GPC6: variants seen among roughly 807,000 people sequenced by gnomAD.
GPC6 encodes glypican 6, also known as glypican-6.
In GPC6, 14 loss-of-function variants were observed where a neutral mutation model predicts 55.2. That is an observed-to-expected ratio of 0.25 (90% CI 0.17 to 0.40). The LOEUF is 0.40. Ranked by LOEUF, GPC6 falls within the 10% of genes least tolerant of loss-of-function variation. The probability of loss-of-function intolerance (pLI) is 1.00; values close to 1 mark genes in which losing one functional copy is unlikely to be tolerated. For synonymous variants in GPC6, 278 were observed against 259.6 expected (o/e 1.07, Z -0.68); for missense variants, 641 against 708.5 (o/e 0.90, Z 1.08).
intron 1 of GPC6, among the ~76,000 whole-genome samples, chr13:93,542,504 C>T (rs923328157): frequency 7.2e-5 from 11 of 152,082 alleles, no homozygotes; most frequent in Admixed American, 1.3e-4. Context: ...CTTGGTGATG[C>T]GGGCTCCTTT....
chr13:93,720,954 C>T (rs537757669), intron 2 of GPC6, among the ~76,000 whole-genome samples: 2 of 151,934 alleles, frequency 1.3e-5, no homozygotes, highest in Non-Finnish European at 2.9e-5. Flanking sequence ...CATTCTTCTG[C>T]ATTTGCTGAG....
At chr13:94,104,658 C>A (rs1885987271) in intron 4 of GPC6, among the ~76,000 whole-genome samples, 1 of 152,156 alleles carries the variant, frequency 6.6e-6, no homozygotes, top group Non-Finnish European at 1.5e-5. Flanking sequence ...CACAAGCATT[C>A]TTATACACCA....
At chr13:93,447,733 G>A (rs1469784339) in intron 1 of GPC6, among the ~76,000 whole-genome samples, 3 of 152,062 alleles carry the variant, frequency 2.0e-5, no homozygotes, top group African/African-American at 7.2e-5. Flanking sequence ...TTGATAACCT[G>A]GATCTTGGTT....
rs549612480 is a variant in GPC6 at position 94,164,852 on chromosome 13, A to C, written c.878-121497A>C. On this transcript the variant is annotated intron_variant, in intron 4 of 8. Coordinates refer to ENST00000377047, the MANE Select transcript of GPC6 (RefSeq NM_005708.5). ...GATTTCTGGAAATATAGTGAAACAT[A>C]GAATTTAGTAGCATTTAATAATTCT... Among the ~76,000 whole-genome samples, 158 of 152,316 alleles carry C rather than the reference A, an allele frequency of 1.0e-3. 1 individual carries two copies. The highest frequency in any genetic ancestry group is 3.6e-3 in the African/African-American group (151 of 41,574).
intron 1 of GPC6, among the ~76,000 whole-genome samples, chr13:93,336,967 G>T (rs1880068488): frequency 6.6e-6 from 1 of 152,164 alleles, no homozygotes; most frequent in Non-Finnish European, 1.5e-5. Flanking sequence ...TCAATGCAAA[G>T]ATTTTCTGCC....
rs115767315 is a variant in GPC6, at chr13:94,298,658, A to G, written c.1009-7322A>G. Among the ~76,000 whole-genome samples the G allele has an allele frequency of 4.4e-3, 673 of 152,338 alleles. 6 individuals are homozygous for G. The highest frequency in any genetic ancestry group is 0.011 in the African/African-American group (466 of 41,578). ...GGCTTATCAAGCTCACTGAGTGGCT[A>G]TTATCAACTGATCAGGAAACAGTAT... On this transcript the variant is annotated intron_variant, in intron 5 of 8. Transcript: ENST00000377047.
At chr13:93,758,665 A>G (rs1384235118) in intron 2 of GPC6, among the ~76,000 whole-genome samples, 1 of 151,552 alleles carries the variant, frequency 6.6e-6, no homozygotes, top group Admixed American at 6.6e-5. Context: ...TAAGAATGCC[A>G]AGGGTTATGT....
intron 2 of GPC6, among the ~76,000 whole-genome samples, chr13:93,707,335 A>G (rs1882888142): frequency 1.3e-5 from 2 of 151,764 alleles, no homozygotes; most frequent in South Asian, 4.1e-4. Context: ...ACAAACCCCC[A>G]TGCCACAGAC....
intron 1 of GPC6, among the ~76,000 whole-genome samples, chr13:93,503,882 T>G (rs1880612319): frequency 1.3e-5 from 2 of 152,148 alleles, no homozygotes; most frequent in East Asian, 3.9e-4. Context: ...ATTTTCATAT[T>G]TAGACAATAT....
rs140811891 is a variant in GPC6 at position 93,664,472 on chromosome 13, T to G, written c.319+119051T>G. On this transcript the variant is annotated intron_variant, in intron 2 of 8. Coordinates refer to ENST00000377047, the MANE Select transcript of GPC6 (RefSeq NM_005708.5). ...TTAAGGGAAACTGATTTGGCAAATGTAGATGGATGGCTTTTTAGAAAAACA... is the reference window on the plus strand; with the variant it reads ...TTAAGGGAAACTGATTTGGCAAATGGAGATGGATGGCTTTTTAGAAAAACA... 2.1e-3 allele frequency among the ~76,000 whole-genome samples: 317 copies of G among 152,356 alleles called. 1 individual carries two copies. Among genetic ancestry groups the G allele is most frequent in the African/African-American group, 7.3e-3 (305 of 41,588 alleles).
chr13:94,098,165 A>G (rs1162766739), intron 4 of GPC6, among the ~76,000 whole-genome samples: 1 of 152,230 alleles, frequency 6.6e-6, no homozygotes, highest in Non-Finnish European at 1.5e-5. Context: ...ATTGCTATTT[A>G]ATTCTATTTT....
chr13:93,670,865 A>G (rs1259219269), intron 2 of GPC6, among the ~76,000 whole-genome samples: 1 of 152,180 alleles, frequency 6.6e-6, no homozygotes, highest in Non-Finnish European at 1.5e-5. Flanking sequence ...TCAATTTTTA[A>G]ATGGCTTTAT....
rs1174860207 is a variant in GPC6, at chr13:93,426,381, TC to T, written c.161-118877del. On this transcript the variant is annotated intron_variant, in intron 1 of 8. Coordinates refer to ENST00000377047, the MANE Select transcript of GPC6 (RefSeq NM_005708.5). ...AGGTATATCTCCTAAAGCTATCCCT[TC>T]CCCCTCCCCCCACCCCACAACAGTC... 6.6e-5 allele frequency among the ~76,000 whole-genome samples: 9 copies of T among 136,162 alleles called. No individual in the cohort carries two copies. In the East Asian group the frequency reaches 1.3e-3, roughly 19 times the overall value. The allele number at this position is 136,162 out of a possible 152,430, so 89.3% of individuals were successfully genotyped here. A position where few individuals can be genotyped will look rare whatever the true frequency, so the allele number is the denominator to read the frequency against.
At chr13:93,288,392 TAATC>T (rs1329431564) in intron 1 of GPC6, among the ~76,000 whole-genome samples, 6 of 152,324 alleles carry the variant, frequency 3.9e-5, no homozygotes, top group Non-Finnish European at 1.5e-5. Flanking sequence ...TGAATTACAC[TAATC>T]AATCCAGATA....
At chr13:93,795,157 C>CA (rs1356861253) in intron 2 of GPC6, among the ~76,000 whole-genome samples, 1 of 152,166 alleles carries the variant, frequency 6.6e-6, no homozygotes, top group African/African-American at 2.4e-5. Context: ...AAGTTTATTA[C>CA]ATCTACCCTA....
At chr13:93,573,439 C>G (rs1023140788) in intron 2 of GPC6, among the ~76,000 whole-genome samples, 2 of 151,818 alleles carry the variant, frequency 1.3e-5, no homozygotes, top group Non-Finnish European at 2.9e-5. Context: ...ACATCCAGTA[C>G]TCCCCAAACC....
intron 2 of GPC6, among the ~76,000 whole-genome samples, chr13:93,786,624 A>G (rs1885822365): frequency 6.6e-6 from 1 of 152,086 alleles, no homozygotes; most frequent in African/African-American, 2.4e-5. Context: ...AAAATGCAAT[A>G]AATTGTTTGA....
intron 4 of GPC6, among the ~76,000 whole-genome samples, chr13:94,202,569 C>T (rs1374963256): frequency 6.6e-6 from 1 of 152,146 alleles, no homozygotes; most frequent in Non-Finnish European, 1.5e-5. Context: ...TCAATTATCT[C>T]CCACCGGGTC....
At chr13:93,534,320 G>A (rs772608481) in intron 1 of GPC6, among the ~76,000 whole-genome samples, 3 of 152,060 alleles carry the variant, frequency 2.0e-5, no homozygotes, top group African/African-American at 7.2e-5. Context: ...TTCCCTCTGC[G>A]CTCCAGAGCT....
Sources: gnomAD v4.1 joint callset for allele counts (sites outside exome capture counted in the v4.1 genomes callset) on GRCh38, gnomAD v4.1.1 for gene constraint, MANE v1.5 for transcripts, NCBI Gene and HGNC (gene_info 2026-07-23, HGNC 2026-07-21) for gene names.